The following FLNB variants were observed in gnomAD, a reference collection of about 807,000 sequenced individuals.
The protein encoded by FLNB is filamin-B.
In FLNB, 111 loss-of-function variants were observed where a neutral mutation model predicts 250.6. The ratio of observed to expected loss-of-function variants is 0.44; its 90% CI spans 0.38 to 0.52. The LOEUF (loss-of-function observed/expected upper bound fraction) is 0.52, where lower values mean the gene tolerates loss of function less well. FLNB is among the 20% of genes least tolerant of loss of function. The pLI, the probability that FLNB is intolerant of heterozygous loss-of-function variation, is 0.00. For missense variants in FLNB, 2,869 were observed against 3,447.8 expected, an observed-to-expected ratio of 0.83 and a Z score of 4.20; for synonymous variants, 1,302 against 1,372.1, an observed-to-expected ratio of 0.95 and a Z score of 1.13.
chr3:58,152,706 AG>A, intron 38 of FLNB: 1 of 1,300,880 alleles, frequency 7.7e-7, no homozygotes, highest in Admixed American at 2.0e-5. Context: ...TTCTGTCCTC[AG>A]GGGTCAGAGT....
intron 1 of FLNB, among the ~76,000 whole-genome samples, chr3:58,028,610 TC>T (rs1309371971): frequency 1.7e-3 from 221 of 127,666 alleles, no homozygotes; most frequent in African/African-American, 9.3e-3. Flanking sequence ...AATTTTTTTT[TC>T]TTTTCTTTTT....
intron 1 of FLNB, among the ~76,000 whole-genome samples, chr3:58,060,440 A>AC (rs1408578411): frequency 1.4e-5 from 2 of 146,588 alleles, no homozygotes; most frequent in East Asian, 4.0e-4. Flanking sequence ...TGCAACCTTC[A>AC]CCCCCAGGTT....
intron 1 of FLNB, among the ~76,000 whole-genome samples, chr3:58,045,434 C>T (rs9839449): frequency 1.3e-5 from 2 of 152,090 alleles, no homozygotes; most frequent in African/African-American, 2.4e-5. Context: ...AACACAAATT[C>T]GTAAACTTTC....
chr3:58,146,973 C>T lies in FLNB; in HGVS notation c.5708C>T (p.Pro1903Leu). Residue 1903 changes from proline (P) to leucine (L), a missense_variant, in exon 34 of 46, where the codon CCC (proline) becomes CTC (leucine). Coordinates refer to ENST00000295956, the MANE Select transcript of FLNB (RefSeq NM_001457.4). Reference sequence around the variant, plus strand: ...AATGACAAGCACATCCCTGGCAGCCCCTTCACAGCCAAGATCACAGGTAGG... The same window carrying T: ...AATGACAAGCACATCCCTGGCAGCCTCTTCACAGCCAAGATCACAGGTAGG... ...KYNDKHIPGS[P>L]FTAKITDDSR... 1 of 1,614,084 alleles carries T rather than the reference C, an allele frequency of 6.2e-7. No individual in the cohort carries two copies. Among genetic ancestry groups the T allele is most frequent in the Non-Finnish European group, 8.5e-7 (1 of 1,180,026 alleles).
At chr3:58,079,192 T>C (rs2097205625) in intron 3 of FLNB, among the ~76,000 whole-genome samples, 1 of 152,218 alleles carries the variant, frequency 6.6e-6, no homozygotes, top group African/African-American at 2.4e-5. Context: ...TTGACCATTT[T>C]TCAATCTACA....
In FLNB at chr3:58,118,039, T is replaced by G. The variant is rs1006161755; in HGVS notation, c.2746-833T>G. ...TCTACTGAGACAGCCATGAGATTTC[T>G]TGGAGCCTCGATTTGGAGGGAGGGA... On this transcript the variant is annotated intron_variant, in intron 18 of 45. Coordinates refer to ENST00000295956, the MANE Select transcript of FLNB (RefSeq NM_001457.4). Among the ~76,000 whole-genome samples the G allele has an allele frequency of 2.4e-4, 36 of 152,168 alleles. 1 individual carries two copies. The highest frequency in any genetic ancestry group is 4.6e-4 in the Admixed American group (7 of 15,272).
At chr3:58,066,452 C>A (rs2097185910) in intron 1 of FLNB, among the ~76,000 whole-genome samples, 1 of 152,184 alleles carries the variant, frequency 6.6e-6, no homozygotes, top group Non-Finnish European at 1.5e-5. Context: ...CTCCTGACCT[C>A]AGGTGATTCA....
chr3:58,110,135 G>A lies in FLNB; in HGVS notation c.2449G>A (p.Gly817Arg), dbSNP rs1433004417. Residue 817 changes from glycine (G) to arginine (R), a missense_variant, in exon 16 of 46, where the codon GGG becomes AGG. By Grantham distance (125) the Gly-to-Arg change is moderately radical (BLOSUM62 -2). Coordinates refer to ENST00000295956, the MANE Select transcript of FLNB (RefSeq NM_001457.4). Reference protein sequence around the residue: ...FTVKYVPPAAGRYTIKVLFAS... With the variant: ...FTVKYVPPAARRYTIKVLFAS... ...AGTCAAATATGTGCCTCCTGCTGCTGGGCGATACACTATCAAAGTTCTCTT... is the reference window on the plus strand; with the variant it reads ...AGTCAAATATGTGCCTCCTGCTGCTAGGCGATACACTATCAAAGTTCTCTT... The A allele has an allele frequency of 6.2e-7, 1 of 1,614,058 alleles. No homozygotes were observed. Among genetic ancestry groups the A allele is most frequent in the African/African-American group, 1.3e-5 (1 of 74,920 alleles).
At chr3:58,065,567 C>T (rs2106900221) in intron 1 of FLNB, among the ~76,000 whole-genome samples, 1 of 152,294 alleles carries the variant, frequency 6.6e-6, no homozygotes, top group East Asian at 1.9e-4. Context: ...GAGGATTGCA[C>T]AAGGTGATGC....
intron 18 of FLNB, among the ~76,000 whole-genome samples, chr3:58,115,876 G>T (rs1317693809): frequency 6.6e-6 from 1 of 152,174 alleles, no homozygotes; most frequent in Non-Finnish European, 1.5e-5. Flanking sequence ...GGTCCTTCTT[G>T]TTGTTTGTTG....
rs372998485 is a variant in FLNB at position 58,106,805 on chromosome 3, G to A, written c.1873G>A (p.Glu625Lys). ...TGCTGTTCACATCATGTGTGACGAC[G>A]AAGACATCAAGGACAGCCCGTACAT... ...EYAVHIMCDD[E>K]DIKDSPYMAF... The change falls in exon 12 of 46, where the codon GAA (glutamate) becomes AAA (lysine). Residue 625 changes from glutamate (E) to lysine (K), a missense_variant. By Grantham distance (56) the Glu-to-Lys change is moderately conservative (BLOSUM62 1). Transcript: ENST00000295956. The A allele has an allele frequency of 4.6e-5, 74 of 1,613,964 alleles. No individual in the cohort carries two copies. Among genetic ancestry groups the A allele is most frequent in the South Asian group, 4.4e-5 (4 of 91,082 alleles).
chr3:58,096,438 GT>G (rs1359951903), intron 6 of FLNB, among the ~76,000 whole-genome samples: 1 of 152,164 alleles, frequency 6.6e-6, no homozygotes, highest in Admixed American at 6.5e-5. Context: ...CTCCATCTAG[GT>G]AACTAATGGT....
chr3:58,151,983 G>A (rs192071227), intron 38 of FLNB, among the ~76,000 whole-genome samples: 25 of 152,304 alleles, frequency 1.6e-4, no homozygotes, highest in Admixed American at 1.2e-3. Context: ...TCATATCTTC[G>A]ATTACTAGTG....
At position 58,125,575 on chromosome 3, in the gene FLNB, G is replaced by C; in HGVS notation, c.3899-6G>C. The C allele has an allele frequency of 6.2e-7, 1 of 1,614,086 alleles. No individual in the cohort carries two copies. The highest frequency in any genetic ancestry group is 1.1e-5 in the South Asian group (1 of 91,038). On this transcript the variant is annotated splice_region_variant and splice_polypyrimidine_tract_variant and intron_variant, in intron 22 of 45. Coordinates refer to ENST00000295956, the MANE Select transcript of FLNB (RefSeq NM_001457.4). ...AATATGCGTTTCTGTTTGTTGTTTT[G>C]AGCAGGTCTCCATGTAGTGGAGGTG...
At chr3:58,129,470 C>T (rs1163670234) in intron 24 of FLNB, among the ~76,000 whole-genome samples, 1 of 152,196 alleles carries the variant, frequency 6.6e-6, no homozygotes, top group Non-Finnish European at 1.5e-5. Context: ...CCCTTGCCAT[C>T]AGCTGTTGAC....
chr3:58,102,671 T>A (rs1215336045), intron 9 of FLNB, among the ~76,000 whole-genome samples: 1 of 152,192 alleles, frequency 6.6e-6, no homozygotes, highest in African/African-American at 2.4e-5. Flanking sequence ...AGAGGAAGGC[T>A]CTTGCCTAAG....
chr3:58,027,742 C>T (rs76540305), intron 1 of FLNB, among the ~76,000 whole-genome samples: 4,555 of 152,296 alleles, frequency 0.03, 218 homozygotes, highest in African/African-American at 0.1. Flanking sequence ...CCATATCCCA[C>T]GGCTGTCTCT....
chr3:58,136,133 C>T lies in FLNB; in HGVS notation c.4826C>T (p.Thr1609Ile), dbSNP rs761698437. Reference protein sequence around the residue: ...IPLSPYRIRATQTGDASKCLA... With the variant: ...IPLSPYRIRAIQTGDASKCLA... ...CTTTCTCCTTATCGCATCCGAGCCA[C>T]ACAGACGGGTGATGCCAGCAAGTGC... Residue 1609 changes from threonine to isoleucine, a missense_variant, in exon 28 of 46, where the codon ACA becomes ATA. This residue lies in a region of FLNB where 126 missense variants were observed against 182.0 expected (regional missense o/e 0.69). Transcript: ENST00000295956. The T allele has an allele frequency of 1.2e-5, 20 of 1,614,118 alleles. No individual in the cohort carries two copies. Among genetic ancestry groups the T allele is most frequent in the Non-Finnish European group, 3.4e-6 (4 of 1,180,052 alleles).
chr3:58,112,216 C>T lies in FLNB; in HGVS notation c.2643C>T (p.Asn881=), dbSNP rs774413686. ...AGGGGGCTGGGAAAGCCCCGCTCAA[C>T]GTGCAGTTCAACAGCCCTCTTCCTG... is the stretch of plus-strand genomic sequence containing the variant. ...YTKGAGKAPL[N]VQFNSPLPGD... Residue 881 remains asparagine, a synonymous_variant, in exon 18 of 46, where the codon AAC becomes AAT. Transcript: ENST00000295956. 25 of 1,614,112 alleles carry T rather than the reference C, an allele frequency of 1.5e-5. No homozygotes were observed. Among genetic ancestry groups the T allele is most frequent in the African/African-American group, 2.7e-5 (2 of 75,056 alleles).
Sources: allele counts gnomAD v4.1 joint callset (sites outside exome capture counted in the v4.1 genomes callset), GRCh38; gene constraint gnomAD v4.1.1; regional missense constraint gnomAD v4.1.1; transcripts MANE v1.5; gene names NCBI Gene and HGNC (gene_info 2026-07-23, HGNC 2026-07-21).